The following ZNF518A variants were observed in gnomAD, a reference collection of about 807,000 sequenced individuals.
ZNF518A encodes the protein zinc finger protein 518.
ZNF518A carries 47 observed loss-of-function variants against 102.7 expected under a neutral mutation model. That is an observed-to-expected ratio of 0.46 (90% CI 0.36 to 0.58). ZNF518A has a LOEUF of 0.58. Among genes scored for constraint, ZNF518A ranks in the 20% least tolerant of loss-of-function variants. The pLI, the probability that ZNF518A is intolerant of heterozygous loss-of-function variation, is 0.00. For synonymous variants in ZNF518A, 652 were observed against 594.6 expected, an observed-to-expected ratio of 1.10 and a Z score of -1.40; for missense variants, 1,793 against 1,699.8, an observed-to-expected ratio of 1.05 and a Z score of -0.96.
In ZNF518A at chr10:96,200,344, AT is replaced by A. The variant is rs1209922430; in HGVS notation, n.36-3221del. ...ATTATACCGTTAACTTGTTTTTTGT[AT>A]TTTTTTTTCATTTGGCCTTAGCTAG... On this transcript the variant is annotated intron_variant and non_coding_transcript_variant, in intron 1 of 2. Transcript: ENST00000442635. The surrounding 1 kb of genome is among the most constrained non-coding windows in gnomAD (Gnocchi z 4.3). Among the ~76,000 whole-genome samples, 5 of 151,086 alleles carry A rather than the reference AT, an allele frequency of 3.3e-5. No homozygotes were observed. Among genetic ancestry groups the A allele is most frequent in the African/African-American group, 9.7e-5 (4 of 41,188 alleles).
At chr10:96,190,007 T>C (rs1420678737) in intron 1 of ZNF518A, 9 of 809,426 alleles carry the variant, frequency 1.1e-5, no homozygotes, top group Non-Finnish European at 1.5e-5. Context: ...TGTTATTTAA[T>C]TGGACTGCCT....
exon 3 of ZNF518A, chr10:96,204,083 A>G: frequency 6.2e-7 from 1 of 1,613,926 alleles, no homozygotes; most frequent in Non-Finnish European, 8.5e-7. Context: ...TTTTTGGTGG[A>G]TTTGTCTGCA....
chr10:96,132,940 C>T (rs587594125), intron 2 of ZNF518A: 1 of 151,980 alleles, frequency 6.6e-6, no homozygotes, highest in African/African-American at 2.4e-5. Flanking sequence ...GAATGAAACC[C>T]TTCTGTTCCC....
At chr10:96,131,104 A>G (rs1265068819) in intron 1 of ZNF518A, among the ~76,000 whole-genome samples, 1 of 152,176 alleles carries the variant, frequency 6.6e-6, no homozygotes, top group African/African-American at 2.4e-5. Context: ...CGTCTAAAAA[A>G]CCCTAGAAAA....
At position 96,158,519 on chromosome 10, in the gene ZNF518A, C is replaced by T. The variant is rs782367870; in HGVS notation, c.2197C>T (p.Leu733=). The T allele has an allele frequency of 3.1e-6, 5 of 1,612,536 alleles. No homozygotes were observed. In the Admixed American group the frequency reaches 8.4e-5, roughly 27 times the overall value. Reference sequence around the variant, plus strand: ...AGGACAAAACATTGATGGACAAAACCTGTACAGTAATGAAAATCAAAATTT... The same window carrying T: ...AGGACAAAACATTGATGGACAAAACTTGTACAGTAATGAAAATCAAAATTT... ...EKGQNIDGQN[L]YSNENQNLEC... is the part of the protein sequence containing the mutation. Residue 733 remains leucine (L), a synonymous_variant, in exon 6 of 6, where the codon CTG becomes TTG. Coordinates refer to ENST00000316045, the MANE Select transcript of ZNF518A (RefSeq NM_001330736.2).
intron 1 of ZNF518A, among the ~76,000 whole-genome samples, chr10:96,188,241 C>T (rs1353741430): frequency 2.0e-5 from 3 of 152,210 alleles, no homozygotes; most frequent in African/African-American, 7.2e-5. Flanking sequence ...GACTCTTCTG[C>T]AAGATGAGGG....
At chr10:96,204,251 G>C (rs1244587170), downstream of ZNF518A, 1 of 814,554 alleles carries the variant, frequency 1.2e-6, no homozygotes, top group Non-Finnish European at 2.0e-6. Context: ...AAACCTTAAA[G>C]ATAAGTAAGA....
chr10:96,143,732 C>T (rs1381106267), intron 3 of ZNF518A, among the ~76,000 whole-genome samples: 2 of 152,142 alleles, frequency 1.3e-5, no homozygotes, highest in Non-Finnish European at 2.9e-5. Context: ...TGACATTGCC[C>T]TCTTGGTTTC....
At chr10:96,138,910 AAGAAAT>A (rs2081760600) in intron 3 of ZNF518A, among the ~76,000 whole-genome samples, 1 of 152,184 alleles carries the variant, frequency 6.6e-6, no homozygotes, top group Non-Finnish European at 1.5e-5. Context: ...GTTACAAAAA[AAGAAAT>A]AGAAAAGGAT....
rs76818980 is a variant in ZNF518A, at chr10:96,200,754, C to T, written n.36-2820C>T. ...TGTGAGAGGAAGAATAATGAAAACA[C>T]ATTTCCTTGCTAGTTTTGAGGAAAC... is the stretch of plus-strand genomic sequence containing the variant. On this transcript the variant is annotated intron_variant and non_coding_transcript_variant, in intron 1 of 2. Transcript: ENST00000442635. The surrounding 1 kb of genome is among the most constrained non-coding windows in gnomAD (Gnocchi z 4.3). Among the ~76,000 whole-genome samples the T allele has an allele frequency of 0.026, 3,991 of 152,186 alleles. 82 individuals are homozygous for T. Among genetic ancestry groups the T allele is most frequent in the African/African-American group, 0.046 (1,892 of 41,542 alleles).
intron 1 of ZNF518A, chr10:96,189,652 G>T: frequency 1.4e-6 from 1 of 716,050 alleles, no homozygotes; most frequent in Non-Finnish European, 2.6e-6. Context: ...GCTGGAGTAT[G>T]TAGATTTCTT....
chr10:96,168,091 C>T (rs2083153019), downstream of ZNF518A, among the ~76,000 whole-genome samples: 2 of 152,146 alleles, frequency 1.3e-5, no homozygotes, highest in African/African-American at 4.8e-5. Flanking sequence ...TTTTAAAAAT[C>T]AGGAGGGAAG....
Position 96,159,131 on chromosome 10 carries a change from G to A in ZNF518A, c.2809G>A (p.Gly937Arg). Residue 937 changes from glycine (G) to arginine (R), a missense_variant, in exon 6 of 6, where the codon GGA (glycine) becomes AGA (arginine). Around this residue, in one of 3 missense-constraint regions of ZNF518A, gnomAD observed 1,741 missense variants for 1,622.6 expected, o/e 1.07. Coordinates refer to ENST00000316045, the MANE Select transcript of ZNF518A (RefSeq NM_001330736.2). Reference protein sequence around the residue: ...KKTIIVQTSKGFLIPLNITNK... With the variant: ...KKTIIVQTSKRFLIPLNITNK... ...AACTATAATTGTTCAGACTTCAAAAGGATTCTTAATACCATTGAACATTAC... is the reference window on the plus strand; with the variant it reads ...AACTATAATTGTTCAGACTTCAAAAAGATTCTTAATACCATTGAACATTAC... The A allele has an allele frequency of 1.2e-6, 2 of 1,612,050 alleles. No homozygotes were observed. Among genetic ancestry groups the A allele is most frequent in the Non-Finnish European group, 1.7e-6 (2 of 1,179,352 alleles).
downstream of ZNF518A, among the ~76,000 whole-genome samples, chr10:96,166,887 C>G (rs1486232362): frequency 1.3e-5 from 2 of 152,184 alleles, no homozygotes; most frequent in Non-Finnish European, 2.9e-5. Flanking sequence ...GAGAGAACTT[C>G]TAAACTACAA....
chr10:96,171,728 T>C (rs1449197574), intron 1 of ZNF518A, among the ~76,000 whole-genome samples: 1 of 152,106 alleles, frequency 6.6e-6, no homozygotes, highest in Non-Finnish European at 1.5e-5. Flanking sequence ...GGGCAACATA[T>C]GTGTAATGAA....
rs2083006383 is a variant in ZNF518A at position 96,161,706 on chromosome 10, A to G, written c.*932A>G. ...GGAGTGGCTTTTCTTGAAAATTAAAATTGTTTACCAAAACAGTATTTTGAA... is the reference window on the plus strand; with the variant it reads ...GGAGTGGCTTTTCTTGAAAATTAAAGTTGTTTACCAAAACAGTATTTTGAA... On this transcript the variant is annotated 3_prime_UTR_variant, in exon 6 of 6. Transcript: ENST00000316045. 6.0e-6 allele frequency: 1 copy of G among 166,972 alleles called. No individual in the cohort carries two copies. Among genetic ancestry groups the G allele is most frequent in the Non-Finnish European group, 1.5e-5 (1 of 68,044 alleles). The allele number at this position is 166,972 out of a possible 1,614,324, so 10.3% of individuals were successfully genotyped here.
Position 96,159,606 on chromosome 10 carries a change from A to C in ZNF518A, c.3284A>C (p.Tyr1095Ser), listed in dbSNP as rs1554886316. Reference sequence around the variant, plus strand: ...GAGATTTTTCCAAAACCACCTCTTTATACCTTCTTGCCTGATGGCAAACAA... The same window carrying C: ...GAGATTTTTCCAAAACCACCTCTTTCTACCTTCTTGCCTGATGGCAAACAA... ...QNEIFPKPPL[Y>S]TFLPDGKQAV... is the part of the protein sequence containing the mutation. The change falls in exon 6 of 6, where the codon TAT becomes TCT. Residue 1095 changes from tyrosine (Y) to serine (S), a missense_variant. Around this residue, in one of 3 missense-constraint regions of ZNF518A, gnomAD observed 1,741 missense variants for 1,622.6 expected, o/e 1.07. Transcript: ENST00000316045. The C allele has an allele frequency of 4.3e-6, 7 of 1,613,772 alleles. No individual in the cohort carries two copies. The highest frequency in any genetic ancestry group is 5.9e-6 in the Non-Finnish European group (7 of 1,179,818).
Position 96,195,800 on chromosome 10 carries a change from G to T in ZNF518A, n.36-7774G>T, listed in dbSNP as rs75816460. On this transcript the variant is annotated intron_variant and non_coding_transcript_variant, in intron 1 of 2. Transcript: ENST00000442635. ...ATTAAGATGGTAAATTTTATATGTG[G>T]TTTTTTAACCACAGTTGTCTAAAAG... Among the ~76,000 whole-genome samples, 4,568 of 152,258 alleles carry T rather than the reference G, an allele frequency of 0.03. 760 individuals are homozygous for T. The East Asian group carries it at 0.49, about 16-fold the overall frequency.
At chr10:96,166,638 T>C (rs1187430516), downstream of ZNF518A, among the ~76,000 whole-genome samples, 1 of 152,070 alleles carries the variant, frequency 6.6e-6, no homozygotes, top group Admixed American at 6.5e-5. Flanking sequence ...CATGGCAGCG[T>C]GCACCTGTAG....
Sources: gnomAD v4.1 joint callset for allele counts (sites outside exome capture counted in the v4.1 genomes callset) on GRCh38, gnomAD v4.1.1 for gene constraint, gnomAD v4.1.1 regional missense constraint, Gnocchi (gnomAD v3.1) non-coding constraint, MANE v1.5 for transcripts, NCBI Gene and HGNC (gene_info 2026-07-23, HGNC 2026-07-21) for gene names.